The following ANP32A variants were observed in gnomAD, a reference collection of about 807,000 sequenced individuals.
The protein encoded by ANP32A is acidic nuclear phosphoprotein 32 family member A, also known as acidic leucine-rich nuclear phosphoprotein 32 family member A.
Under a neutral mutation model 33.9 loss-of-function variants are expected in ANP32A, and 1 was observed. That is an observed-to-expected ratio of 0.03 (90% CI 0.01 to 0.14). ANP32A has a LOEUF of 0.14. Ranked by LOEUF, ANP32A falls within the 10% of genes least tolerant of loss-of-function variation. ANP32A has a pLI of 1.00. For missense variants in ANP32A, 155 were observed against 306.0 expected (o/e 0.51, Z 3.68); for synonymous variants, 115 against 120.5 (o/e 0.95, Z 0.30).
chr15:68,820,632 GCA>G (rs35802209), intron 1 of ANP32A, 64 bp downstream of exon 1: 1,528 of 928,186 alleles, frequency 1.6e-3, no homozygotes, highest in Middle Eastern at 3.4e-3. Flanking sequence ...CCCCCAGCGC[GCA>G]CACACACACA....
intron 4 of ANP32A, among the ~76,000 whole-genome samples, chr15:68,784,085 T>G (rs1893903133): frequency 6.6e-6 from 1 of 152,168 alleles, no homozygotes; most frequent in African/African-American, 2.4e-5. Flanking sequence ...AAGTGGGGAT[T>G]CAGTTGGATG....
chr15:68,811,286 T>C (rs1347097522), intron 1 of ANP32A, among the ~76,000 whole-genome samples: 2 of 152,008 alleles, frequency 1.3e-5, no homozygotes, highest in Admixed American at 6.6e-5. Context: ...CGGGATCAAT[T>C]AGAGTCTTTG....
chr15:68,810,271 T>C lies in ANP32A; in HGVS notation c.54+10427A>G, dbSNP rs565925605. On this transcript the variant is annotated intron_variant, in intron 1 of 6. Coordinates refer to ENST00000465139, the MANE Select transcript of ANP32A (RefSeq NM_006305.4). ...AGTATGGGGTGACATTACATGTGTG[T>C]TTTGATAAGATCATTCTAGTTGAAG... Among the ~76,000 whole-genome samples the C allele has an allele frequency of 2.6e-5, 4 of 152,340 alleles. 1 individual carries two copies. The East Asian group carries it at 7.7e-4, about 29-fold the overall frequency.
In ANP32A at chr15:68,787,844, G is replaced by C. The variant is rs757419555; in HGVS notation, c.130C>G (p.Leu44Val). 1 of 1,613,988 alleles carries C rather than the reference G, an allele frequency of 6.2e-7. No homozygotes were observed. The highest frequency in any genetic ancestry group is 1.3e-5 in the African/African-American group (1 of 74,882). Residue 44 changes from leucine (L) to valine (V), a missense_variant, in exon 2 of 7, where the codon CTG becomes GTG. Leu to Val is a conservative substitution (Grantham distance 32). Transcript: ENST00000465139. ...ACGTTGATTGTACTTAAGAATTCCA[G>C]TTCTTCAAATTCATCTGTGAGGCCT... ...LEGLTDEFEE[L>V]EFLSTINVGL... is the part of the protein sequence containing the mutation.
At chr15:68,808,564 C>T (rs964051261) in intron 1 of ANP32A, among the ~76,000 whole-genome samples, 2 of 152,226 alleles carry the variant, frequency 1.3e-5, no homozygotes, top group East Asian at 1.9e-4. Flanking sequence ...GGCACACAGG[C>T]CATATCAGTG....
chr15:68,819,463 C>T (rs915671530), intron 1 of ANP32A, among the ~76,000 whole-genome samples: 1 of 152,268 alleles, frequency 6.6e-6, no homozygotes, highest in African/African-American at 2.4e-5. Context: ...GCCGTGCTCC[C>T]GCCGCTGCCC....
intron 5 of ANP32A, chr15:68,782,730 A>T: frequency 1.3e-6 from 1 of 747,176 alleles, no homozygotes; most frequent in South Asian, 2.1e-5. Context: ...CCCTGCCTCT[A>T]AAATCCTCTT....
At chr15:68,782,465 G>A (rs567424190) in intron 5 of ANP32A, among the ~76,000 whole-genome samples, 3 of 152,202 alleles carry the variant, frequency 2.0e-5, no homozygotes, top group African/African-American at 7.2e-5. Flanking sequence ...AAAAAACTGG[G>A]AACCAGCCAA....
intron 2 of ANP32A, 45 bp downstream of exon 2, chr15:68,787,725 T>TGCC: frequency 3.0e-5 from 48 of 1,597,546 alleles, no homozygotes; most frequent in Non-Finnish European, 3.7e-5. Flanking sequence ...CCCTTCCCAC[T>TGCC]CCCCACCCCC....
chr15:68,799,419 A>G (rs908194809), intron 1 of ANP32A, among the ~76,000 whole-genome samples: 1 of 152,160 alleles, frequency 6.6e-6, no homozygotes, highest in Non-Finnish European at 1.5e-5. Context: ...TGTTTTTTAA[A>G]AAGAGTGCAG....
At chr15:68,801,123 A>G (rs1171615439) in intron 1 of ANP32A, among the ~76,000 whole-genome samples, 2 of 152,000 alleles carry the variant, frequency 1.3e-5, no homozygotes, top group East Asian at 3.9e-4. Flanking sequence ...AGGCAATGCA[A>G]GAAGAATTGC....
chr15:68,801,173 A>G (rs1461807772), intron 1 of ANP32A, among the ~76,000 whole-genome samples: 1 of 151,482 alleles, frequency 6.6e-6, no homozygotes, highest in Non-Finnish European at 1.5e-5. Flanking sequence ...AGATCTGGCC[A>G]TAAGCCTAAG....
intron 1 of ANP32A, among the ~76,000 whole-genome samples, chr15:68,819,809 G>A (rs533863175): frequency 3.9e-5 from 6 of 152,276 alleles, no homozygotes; most frequent in African/African-American, 1.4e-4. Context: ...GAGACGCGGG[G>A]ATTATCTGTG....
At chr15:68,803,686 C>A (rs1236658339) in intron 1 of ANP32A, among the ~76,000 whole-genome samples, 3 of 151,568 alleles carry the variant, frequency 2.0e-5, no homozygotes, top group African/African-American at 7.3e-5. Context: ...CATGGAAAGT[C>A]GCTTTTACTA....
chr15:68,818,713 G>C (rs1894426190), intron 1 of ANP32A, among the ~76,000 whole-genome samples: 1 of 151,922 alleles, frequency 6.6e-6, no homozygotes, highest in Admixed American at 6.5e-5. Flanking sequence ...GGGTTCGCCA[G>C]GCCAGCCGCG....
chr15:68,819,960 AAGGG>A (rs1894448823), intron 1 of ANP32A, among the ~76,000 whole-genome samples: 1 of 152,276 alleles, frequency 6.6e-6, no homozygotes, highest in East Asian at 1.9e-4. Flanking sequence ...GAGGCAGAGA[AAGGG>A]AGGGAGGGAG....
chr15:68,800,299 C>A (rs552893422), intron 1 of ANP32A, among the ~76,000 whole-genome samples: 1 of 152,208 alleles, frequency 6.6e-6, no homozygotes, highest in South Asian at 2.1e-4. Context: ...CATGCCATGC[C>A]AGGTACTATG....
In ANP32A at chr15:68,779,892, T is replaced by C. The variant is rs1355290207; in HGVS notation, c.*189A>G. On this transcript the variant is annotated 3_prime_UTR_variant, in exon 7 of 7. Transcript: ENST00000465139. The stretch of plus-strand genomic sequence containing the variant: ...AAAGAGTGGCAGTAAAAATAGTATT[T>C]TATTCCACCCCCACCCGCCATCCCT... 1.8e-6 allele frequency: 1 copy of C among 561,550 alleles called. No homozygotes were observed. The highest frequency in any genetic ancestry group is 1.9e-5 in the African/African-American group (1 of 52,818). The allele number at this position is 561,550 out of a possible 1,614,324, so 34.8% of individuals were successfully genotyped here. A position where few individuals can be genotyped will look rare whatever the true frequency, so the allele number is the denominator to read the frequency against.
rs200285341 is a variant in ANP32A at position 68,807,433 on chromosome 15, G to GC, written c.54+13264_54+13265insG. Among the ~76,000 whole-genome samples, 254 of 147,592 alleles carry GC rather than the reference G, an allele frequency of 1.7e-3. 4 individuals carry two copies. Among genetic ancestry groups the GC allele is most frequent in the African/African-American group, 5.9e-3 (243 of 41,134 alleles). Reference sequence around the variant, plus strand: ...GCCCCACCTCCACAGAAAACGGGGGGGGGGGAGTCTCTCCTTTGCCCAGAG... The same window carrying GC: ...GCCCCACCTCCACAGAAAACGGGGGGCGGGGGAGTCTCTCCTTTGCCCAGAG... On this transcript the variant is annotated intron_variant, in intron 1 of 6. Transcript: ENST00000465139.
Sources: gnomAD v4.1 joint callset for allele counts (sites outside exome capture counted in the v4.1 genomes callset) on GRCh38, gnomAD v4.1.1 for gene constraint, MANE v1.5 for transcripts, NCBI Gene and HGNC (gene_info 2026-07-23, HGNC 2026-07-21) for gene names.